SYTL3: variants seen among roughly 807,000 people sequenced by gnomAD.
SYTL3 encodes the protein synaptotagmin-like protein 3.
In SYTL3, 88 loss-of-function variants were observed where a neutral mutation model predicts 82.1. The observed-to-expected ratio is 1.07, with a 90% confidence interval of 0.90 to 1.28. The LOEUF (loss-of-function observed/expected upper bound fraction) is 1.28, where lower values mean the gene tolerates loss of function less well. Ranked by LOEUF, SYTL3 falls within the 50% of genes most tolerant of loss-of-function variation. The pLI is 0.00. For missense variants in SYTL3, 831 were observed against 757.6 expected (o/e 1.10, Z -1.14); for synonymous variants, 311 against 289.4 (o/e 1.07, Z -0.76).
chr6:158,672,553 T>TTGC, intron 5 of SYTL3, among the ~76,000 whole-genome samples: 1 of 124,482 alleles, frequency 8.0e-6, no homozygotes, highest in East Asian at 3.6e-4. Flanking sequence ...GGTTTTTTTG[T>TTGC]TTCTTTTTTT....
At chr6:158,736,439 A>G (rs1326492022) in intron 11 of SYTL3, among the ~76,000 whole-genome samples, 2 of 152,178 alleles carry the variant, frequency 1.3e-5, no homozygotes, top group South Asian at 4.1e-4. Context: ...AACTGTATAA[A>G]TTTCAAAATC....
At chr6:158,722,896 G>C (rs1403163066) in intron 10 of SYTL3, among the ~76,000 whole-genome samples, 7 of 149,516 alleles carry the variant, frequency 4.7e-5, no homozygotes, top group African/African-American at 1.7e-4. Context: ...CTCCTGAGTA[G>C]CTAGGACTAC....
chr6:158,701,278 GT>G (rs1289529095), intron 6 of SYTL3, among the ~76,000 whole-genome samples: 5 of 5,356 alleles, frequency 9.3e-4, no homozygotes, highest in African/African-American at 5.4e-3. Flanking sequence ...AGATGAAGGA[GT>G]GTGAGCTGGG....
intron 6 of SYTL3, 74 bp from the exon 7 acceptor site, chr6:158,707,156 C>A: frequency 7.2e-7 from 1 of 1,396,260 alleles, no homozygotes; most frequent in Non-Finnish European, 1.0e-6. Flanking sequence ...TAATTTTAAT[C>A]TACTATTTCC....
intron 13 of SYTL3, among the ~76,000 whole-genome samples, chr6:158,752,445 T>G (rs1189311013): frequency 3.9e-5 from 6 of 152,216 alleles, no homozygotes; most frequent in Admixed American, 3.9e-4. Flanking sequence ...AAGTGCCCCT[T>G]TATTGTATTT....
At chr6:158,690,962 C>T (rs895502393) in intron 6 of SYTL3, among the ~76,000 whole-genome samples, 10 of 152,158 alleles carry the variant, frequency 6.6e-5, no homozygotes, top group Non-Finnish European at 1.3e-4. Context: ...CCTGGACCCA[C>T]GCTCCAGGAT....
intron 6 of SYTL3, among the ~76,000 whole-genome samples, chr6:158,705,692 C>T (rs1782005107): frequency 6.7e-6 from 1 of 149,698 alleles, no homozygotes; most frequent in Non-Finnish European, 1.5e-5. Context: ...ACAGTGAGGG[C>T]TGTAAGGTCA....
chr6:158,760,704 TTCTCCCTTCAC>T lies in SYTL3; in HGVS notation c.1374_1384del (p.Leu459AlafsTer43). 1 of 1,614,124 alleles carries T rather than the reference TTCTCCCTTCAC, an allele frequency of 6.2e-7. No individual in the cohort carries two copies. The highest frequency in any genetic ancestry group is 8.5e-7 in the Non-Finnish European group (1 of 1,180,000). On this transcript the variant is annotated frameshift_variant, in exon 15 of 18. Coordinates refer to ENST00000611299, the MANE Select transcript of SYTL3 (RefSeq NM_001242394.2). LOFTEE classifies it high-confidence loss of function. Reference sequence around the variant, plus strand: ...GAGCTCACAGTCCGGGCTAAGCTGGTTCTCCCTTCACGGCCCAGAAAACTCCAAGAGGCTCA... The same window carrying T: ...GAGCTCACAGTCCGGGCTAAGCTGGTGGCCCAGAAAACTCCAAGAGGCTCA...
chr6:158,707,755 G>A (rs1782263594), intron 7 of SYTL3, among the ~76,000 whole-genome samples: 1 of 152,156 alleles, frequency 6.6e-6, no homozygotes. Context: ...CATGAAGCTG[G>A]CCATAATTCA....
At chr6:158,737,755 A>G (rs899386080) in intron 11 of SYTL3, among the ~76,000 whole-genome samples, 3 of 152,240 alleles carry the variant, frequency 2.0e-5, no homozygotes, top group Non-Finnish European at 4.4e-5. Flanking sequence ...TGGAGCCATG[A>G]GTCGCCTGGG....
intron 5 of SYTL3, among the ~76,000 whole-genome samples, chr6:158,670,825 C>G (rs1409166647): frequency 2.0e-5 from 3 of 149,544 alleles, no homozygotes; most frequent in Admixed American, 6.7e-5. Flanking sequence ...TTTTTTGAGA[C>G]TGAGTCTCGC....
In SYTL3 at chr6:158,665,510, C is replaced by T. The variant is rs763358676; in HGVS notation, c.226C>T (p.Arg76Trp). ...CQQVLGFLLH[R>W]GAVCRGCSHR... is the part of the protein sequence containing the mutation. ...GCAGGTGCTGGGGTTCCTGCTGCAC[C>T]GGGGCGCCGTGTGCCGGGGCTGCAG... Residue 76 changes from arginine to tryptophan, a missense_variant, in exon 5 of 18, where the codon CGG (arginine) becomes TGG (tryptophan). Arg to Trp is a moderately radical substitution (Grantham distance 101). Coordinates refer to ENST00000611299, the MANE Select transcript of SYTL3 (RefSeq NM_001242394.2). 36 of 1,596,464 alleles carry T rather than the reference C, an allele frequency of 2.3e-5. No homozygotes were observed. The highest frequency in any genetic ancestry group is 5.7e-5 in the South Asian group (5 of 88,172).
intron 6 of SYTL3, among the ~76,000 whole-genome samples, chr6:158,693,341 C>T (rs931102723): frequency 2.0e-5 from 3 of 152,132 alleles, no homozygotes; most frequent in African/African-American, 7.2e-5. Context: ...CTTCAGCCCC[C>T]CAAGTAGCTG....
At chr6:158,719,246 C>A (rs1242223273) in intron 10 of SYTL3, among the ~76,000 whole-genome samples, 1 of 152,190 alleles carries the variant, frequency 6.6e-6, no homozygotes, top group Admixed American at 6.5e-5. Context: ...ATCTTCATAA[C>A]CACCATCTAG....
At chr6:158,708,216 G>T in intron 7 of SYTL3, 106 bp from the exon 8 acceptor site, 1 of 1,044,718 alleles carries the variant, frequency 9.6e-7, no homozygotes. Context: ...TTAAAAAAAA[G>T]GCGGAGAACT....
At chr6:158,756,387 G>A (rs1197340289) in intron 13 of SYTL3, among the ~76,000 whole-genome samples, 1 of 152,214 alleles carries the variant, frequency 6.6e-6, no homozygotes, top group African/African-American at 2.4e-5. Context: ...TGGAGGAGGG[G>A]GGAGTTCATG....
intron 9 of SYTL3, among the ~76,000 whole-genome samples, chr6:158,717,784 C>G (rs1453347153): frequency 6.6e-6 from 1 of 152,124 alleles, no homozygotes; most frequent in African/African-American, 2.4e-5. Flanking sequence ...TGACCTGGAA[C>G]GCAGAGGAGC....
At chr6:158,759,593 C>T (rs1161144806) in intron 14 of SYTL3, among the ~76,000 whole-genome samples, 1 of 152,164 alleles carries the variant, frequency 6.6e-6, no homozygotes, top group Non-Finnish European at 1.5e-5. Context: ...AGTGAAGTGG[C>T]GTGATCTTGG....
At chr6:158,735,080 A>T (rs1188083072) in intron 11 of SYTL3, among the ~76,000 whole-genome samples, 2 of 152,134 alleles carry the variant, frequency 1.3e-5, no homozygotes, top group Non-Finnish European at 2.9e-5. Flanking sequence ...TACATTGAGC[A>T]GTTTTCCTGA....
Sources: gnomAD v4.1 joint callset for allele counts (sites outside exome capture counted in the v4.1 genomes callset) on GRCh38, gnomAD v4.1.1 for gene constraint, MANE v1.5 for transcripts, NCBI Gene and HGNC (gene_info 2026-07-23, HGNC 2026-07-21) for gene names.